Variants in FNIP2 observed in about 807,000 individuals in gnomAD.
The protein encoded by FNIP2 is folliculin interacting protein 2, also known as folliculin-interacting protein 2.
Under a neutral mutation model 108.7 loss-of-function variants are expected in FNIP2, and 32 were observed. That is an observed-to-expected ratio of 0.29 (90% CI 0.22 to 0.40). FNIP2 has a LOEUF of 0.40. Ranked by LOEUF, FNIP2 falls within the 10% of genes least tolerant of loss-of-function variation. The pLI is 1.00. For synonymous variants in FNIP2, 480 were observed against 496.7 expected (o/e 0.97, Z 0.45); for missense variants, 1,202 against 1,381.6 (o/e 0.87, Z 2.06).
intron 1 of FNIP2, among the ~76,000 whole-genome samples, chr4:158,794,384 G>A (rs1329565095): frequency 6.6e-6 from 1 of 152,094 alleles, no homozygotes; most frequent in Non-Finnish European, 1.5e-5. Context: ...TTGAACTCCT[G>A]AACTCAAGTG....
At chr4:158,902,136 G>A (rs1248218144) in intron 16 of FNIP2, among the ~76,000 whole-genome samples, 1 of 151,956 alleles carries the variant, frequency 6.6e-6, no homozygotes, top group Admixed American at 6.6e-5. Flanking sequence ...ATCTACCTTT[G>A]GTCTTTTACG....
At chr4:158,882,351 C>T (rs1163636229) in intron 14 of FNIP2, among the ~76,000 whole-genome samples, 4 of 151,626 alleles carry the variant, frequency 2.6e-5, no homozygotes, top group Non-Finnish European at 5.9e-5. Flanking sequence ...AGCCCCCGTC[C>T]GGCCAGCCGC....
intron 1 of FNIP2, among the ~76,000 whole-genome samples, chr4:158,773,678 GT>G (rs1306510968): frequency 1.3e-5 from 2 of 152,104 alleles, no homozygotes; most frequent in Admixed American, 1.3e-4. Flanking sequence ...TTTTCTTTCT[GT>G]AGATGAGAGT....
chr4:158,871,759 TATC>T (rs1780962371), intron 14 of FNIP2: 1 of 984,290 alleles, frequency 1.0e-6, no homozygotes, highest in African/African-American at 1.7e-5. Context: ...AATTATTTAA[TATC>T]ATAATTTCTC....
intron 1 of FNIP2, among the ~76,000 whole-genome samples, chr4:158,776,892 G>C (rs887136214): frequency 6.6e-6 from 1 of 152,136 alleles, no homozygotes; most frequent in Non-Finnish European, 1.5e-5. Flanking sequence ...GATGTTTCTA[G>C]CATGCGTTGT....
chr4:158,788,561 C>T (rs756237409), intron 1 of FNIP2, among the ~76,000 whole-genome samples: 7 of 152,264 alleles, frequency 4.6e-5, no homozygotes, highest in Non-Finnish European at 1.0e-4. Context: ...GAAGTTTAAC[C>T]TAGGTTGCTT....
At chr4:158,827,402 G>A (rs1343126645) in intron 2 of FNIP2, among the ~76,000 whole-genome samples, 1 of 152,198 alleles carries the variant, frequency 6.6e-6, no homozygotes, top group African/African-American at 2.4e-5. Context: ...GGAATCTTCA[G>A]TGTACCAGAG....
At chr4:158,810,721 G>A (rs1777223603) in intron 1 of FNIP2, among the ~76,000 whole-genome samples, 1 of 152,124 alleles carries the variant, frequency 6.6e-6, no homozygotes, top group South Asian at 2.1e-4. Context: ...GACATAACAG[G>A]GTAAAGCACT....
In FNIP2 at chr4:158,861,371, C is replaced by G; in HGVS notation, c.1178C>G (p.Pro393Arg). The change falls in exon 11 of 17, where the codon CCA (proline) becomes CGA (arginine). Residue 393 changes from proline to arginine, a missense_variant. By Grantham distance (103) the Pro-to-Arg change is moderately radical. This residue lies in a region of FNIP2 where 878 missense variants were observed against 990.3 expected (regional missense o/e 0.89). Transcript: ENST00000264433. ...ACTATCTGGAACTTATATTCTGTTC[C>G]AAGGATAGCTGAACCTGTATGGCTT... Reference protein sequence around the residue: ...RGTIWNLYSVPRIAEPVWLTM... With the variant: ...RGTIWNLYSVRRIAEPVWLTM... The G allele has an allele frequency of 6.2e-7, 1 of 1,613,940 alleles. No individual in the cohort carries two copies. Among genetic ancestry groups the G allele is most frequent in the Non-Finnish European group, 8.5e-7 (1 of 1,179,884 alleles).
chr4:158,851,076 A>C (rs1019932010), intron 7 of FNIP2, among the ~76,000 whole-genome samples: 1 of 152,058 alleles, frequency 6.6e-6, no homozygotes, highest in East Asian at 1.9e-4. Flanking sequence ...TTTTTTTTCC[A>C]ATTTTTGGAT....
At chr4:158,774,700 G>C (rs189300423) in intron 1 of FNIP2, among the ~76,000 whole-genome samples, 1 of 152,306 alleles carries the variant, frequency 6.6e-6, no homozygotes, top group East Asian at 1.9e-4. Flanking sequence ...TACTTCACCT[G>C]AGCTTCAGAG....
At chr4:158,890,706 A>G (rs545605062) in intron 14 of FNIP2, among the ~76,000 whole-genome samples, 2 of 152,336 alleles carry the variant, frequency 1.3e-5, no homozygotes, top group African/African-American at 4.8e-5. Flanking sequence ...AGTCAAAAGA[A>G]TTAGGGTTCA....
At chr4:158,798,395 C>T (rs1202171837) in intron 1 of FNIP2, among the ~76,000 whole-genome samples, 4 of 152,186 alleles carry the variant, frequency 2.6e-5, no homozygotes, top group African/African-American at 7.2e-5. Context: ...CAAGTCTTTA[C>T]TCTCCATATA....
intron 7 of FNIP2, among the ~76,000 whole-genome samples, chr4:158,842,313 G>A (rs1779174797): frequency 6.6e-6 from 1 of 152,188 alleles, no homozygotes; most frequent in Non-Finnish European, 1.5e-5. Context: ...TACTGGTATT[G>A]AGAAATTGTA....
rs34469888 is a variant in FNIP2 at position 158,836,811 on chromosome 4, C to CAA, written c.727+1361_727+1362dup. ...AGGCTGGACAACAGAGACTCCGTCT[C>CAA]AAAAAAAAAAAAAAAAAAAAAAAAA... On this transcript the variant is annotated intron_variant, in intron 7 of 16. Coordinates refer to ENST00000264433, the MANE Select transcript of FNIP2 (RefSeq NM_020840.3). 2.0e-3 allele frequency among the ~76,000 whole-genome samples: 81 copies of CAA among 39,578 alleles called. 2 individuals carry two copies. The highest frequency in any genetic ancestry group is 2.4e-3 in the Non-Finnish European group (51 of 21,142). The allele number at this position is 39,578 out of a possible 152,430, so 26.0% of individuals were successfully genotyped here. A position where few individuals can be genotyped will look rare whatever the true frequency, so the allele number is the denominator to read the frequency against.
At chr4:158,819,568 A>C (rs990142690) in intron 1 of FNIP2, among the ~76,000 whole-genome samples, 1 of 152,276 alleles carries the variant, frequency 6.6e-6, no homozygotes, top group Non-Finnish European at 1.5e-5. Context: ...GTATAAGTGC[A>C]AAATAGGGGA....
intron 1 of FNIP2, among the ~76,000 whole-genome samples, chr4:158,824,366 T>C (rs1778040915): frequency 6.6e-6 from 1 of 152,218 alleles, no homozygotes. Flanking sequence ...TTTTACAGTT[T>C]GCTTTTGTTA....
intron 15 of FNIP2, among the ~76,000 whole-genome samples, chr4:158,894,262 C>CT (rs1421784582): frequency 1.3e-5 from 2 of 150,884 alleles, no homozygotes. Context: ...CCTTGACCTC[C>CT]TAGGCTCAAG....
intron 1 of FNIP2, among the ~76,000 whole-genome samples, chr4:158,800,345 T>C (rs557222070): frequency 2.0e-5 from 3 of 152,360 alleles, no homozygotes; most frequent in African/African-American, 7.2e-5. Context: ...AAGAGGGTAA[T>C]GGCTACGGCT....
Sources: allele counts gnomAD v4.1 joint callset (sites outside exome capture counted in the v4.1 genomes callset), GRCh38; gene constraint gnomAD v4.1.1; regional missense constraint gnomAD v4.1.1; transcripts MANE v1.5; gene names NCBI Gene and HGNC (gene_info 2026-07-23, HGNC 2026-07-21).